Variants in CIB3 observed in about 807,000 individuals in gnomAD.
The protein encoded by CIB3 is calcium and integrin-binding family member 3.
CIB3 carries 22 observed loss-of-function variants against 23.4 expected under a neutral mutation model. The ratio of observed to expected loss-of-function variants is 0.94; its 90% CI spans 0.67 to 1.34. The LOEUF (loss-of-function observed/expected upper bound fraction) is 1.34. Ranked by LOEUF, CIB3 falls within the 40% of genes most tolerant of loss-of-function variation. The pLI, the probability that CIB3 is intolerant of heterozygous loss-of-function variation, is 0.00. For missense variants in CIB3, 258 were observed against 247.3 expected (o/e 1.04, Z -0.29); for synonymous variants, 93 against 95.8 (o/e 0.97, Z 0.17).
intron 4 of CIB3, among the ~76,000 whole-genome samples, chr19:16,166,947 G>C (rs1032658797): frequency 5.9e-5 from 9 of 152,206 alleles, no homozygotes; most frequent in African/African-American, 9.6e-5. Context: ...TGGGCGTGGT[G>C]GTTCATGCCT....
rs965479118 is a variant in CIB3, at chr19:16,162,220, A to G, written c.543-734T>C. Among the ~76,000 whole-genome samples, 3 of 149,304 alleles carry G rather than the reference A, an allele frequency of 2.0e-5. No individual in the cohort carries two copies. In the Admixed American group the frequency reaches 2.0e-4, roughly 10 times the overall value. On this transcript the variant is annotated intron_variant, in intron 5 of 5. Coordinates refer to ENST00000269878, the MANE Select transcript of CIB3 (RefSeq NM_054113.4). ...CCAGGAGTTTGAGAACAGCCTGGGC[A>G]ACAAGGCAAGACCTTGTCTCCACAA...
rs767788030 is a variant in CIB3 at position 16,168,154 on chromosome 19, T to C, written c.329A>G (p.Tyr110Cys). Reference sequence around the variant, plus strand: ...GCACGCACCATAAATTTTAAAAGCATAGTAAGCCTTGAGGTCGCGGGGAGC... The same window carrying C: ...GCACGCACCATAAATTTTAAAAGCACAGTAAGCCTTGAGGTCGCGGGGAGC... Reference protein sequence around the residue: ...EMAPRDLKAYYAFKIYDFNND... With the variant: ...EMAPRDLKAYCAFKIYDFNND... The change falls in exon 4 of 6, where the codon TAT becomes TGT. Residue 110 changes from tyrosine to cysteine, a missense_variant. Transcript: ENST00000269878. 3.9e-6 allele frequency: 6 copies of C among 1,521,476 alleles called. No individual in the cohort carries two copies. Among genetic ancestry groups the C allele is most frequent in the Admixed American group, 1.8e-5 (1 of 56,450 alleles). The allele number at this position is 1,521,476 out of a possible 1,614,324, so 94.2% of individuals were successfully genotyped here.
rs768408170 is a variant in CIB3 at position 16,161,449 on chromosome 19, C to G, written c.*16G>C. ...GTCACCCCGCCCTCCTATAGCTCGG[C>G]TCCTCTGTGGTGCCATCAGATTCGG... On this transcript the variant is annotated 3_prime_UTR_variant, in exon 6 of 6. Transcript: ENST00000269878. The G allele has an allele frequency of 2.5e-6, 4 of 1,613,940 alleles. No individual in the cohort carries two copies. Among genetic ancestry groups the G allele is most frequent in the African/African-American group, 2.7e-5 (2 of 74,940 alleles).
At chr19:16,173,009 G>C (rs911963956) in intron 2 of CIB3, among the ~76,000 whole-genome samples, 153 bp downstream of exon 2, 2 of 146,506 alleles carry the variant, frequency 1.4e-5, no homozygotes, top group African/African-American at 5.2e-5. Flanking sequence ...GAGAGAGAGA[G>C]AGAAAAGAGA....
Position 16,169,618 on chromosome 19 carries a change from G to C in CIB3, c.198+12C>G. On this transcript the variant is annotated intron_variant, in intron 3 of 5. Coordinates refer to ENST00000269878, the MANE Select transcript of CIB3 (RefSeq NM_054113.4). ...TATTTTTTACCCTGTTTGTCCCATG[G>C]CCTGGGCATACCTTCAGCTCGGGCA... The C allele has an allele frequency of 6.2e-7, 1 of 1,609,640 alleles. No individual in the cohort carries two copies. The highest frequency in any genetic ancestry group is 8.5e-7 in the Non-Finnish European group (1 of 1,177,200).
At position 16,164,861 on chromosome 19, in the gene CIB3, G is replaced by C; in HGVS notation, c.399C>G (p.Thr133=). ...CACTCAGCCCCCCCCGCGTCAGTTT[G>C]GTCACCGTCTGCTCCAGGTCCCACG... ...ICAWDLEQTV[T]KLTRGGLSAE... is the part of the protein sequence containing the mutation. Residue 133 remains threonine, a synonymous_variant, in exon 5 of 6, where the codon ACC becomes ACG. Coordinates refer to ENST00000269878, the MANE Select transcript of CIB3 (RefSeq NM_054113.4). The C allele has an allele frequency of 1.2e-6, 2 of 1,614,056 alleles. No individual in the cohort carries two copies. Among genetic ancestry groups the C allele is most frequent in the Non-Finnish European group, 1.7e-6 (2 of 1,180,012 alleles).
chr19:16,172,447 G>A (rs1428789205), intron 2 of CIB3, among the ~76,000 whole-genome samples: 2 of 151,850 alleles, frequency 1.3e-5, no homozygotes, highest in Non-Finnish European at 1.5e-5. Context: ...GAGCCACCGC[G>A]CCCAGCCTCA....
At chr19:16,167,198 G>C (rs892769966) in intron 4 of CIB3, among the ~76,000 whole-genome samples, 1 of 151,922 alleles carries the variant, frequency 6.6e-6, no homozygotes, top group African/African-American at 2.4e-5. Flanking sequence ...TCCAGTCTGG[G>C]GGACAGAGCA....
At position 16,173,426 on chromosome 19, in the gene CIB3, T is replaced by C; in HGVS notation, c.50A>G (p.Gln17Arg). 2 of 1,613,744 alleles carry C rather than the reference T, an allele frequency of 1.2e-6. No individual in the cohort carries two copies. Among genetic ancestry groups the C allele is most frequent in the Non-Finnish European group, 1.7e-6 (2 of 1,179,660 alleles). ...AGGACCCATCCTGCCCCCCTCTACC[T>C]GATACGCTTCCAGCTGCTCGTGTGT... ...VFTHEQLEAYQDCTFFTRKEI... is the reference protein window; with the variant it reads ...VFTHEQLEAYRDCTFFTRKEI... Residue 17 changes from glutamine (Q) to arginine (R), a missense_variant and splice_region_variant, in exon 1 of 6, where the codon CAG (glutamine) becomes CGG (arginine). Transcript: ENST00000269878.
chr19:16,162,445 C>T (rs1284184234), intron 5 of CIB3, among the ~76,000 whole-genome samples: 1 of 150,126 alleles, frequency 6.7e-6, no homozygotes, highest in East Asian at 2.0e-4. Flanking sequence ...AGCACTGCCT[C>T]AGCTTATAGA....
chr19:16,161,457 T>C lies in CIB3; in HGVS notation c.*8A>G, dbSNP rs112566346. ...GCCCTCCTATAGCTCGGCTCCTCTG[T>C]GGTGCCATCAGATTCGGATGTGGAA... On this transcript the variant is annotated 3_prime_UTR_variant, in exon 6 of 6. Coordinates refer to ENST00000269878, the MANE Select transcript of CIB3 (RefSeq NM_054113.4). 15 of 1,613,892 alleles carry C rather than the reference T, an allele frequency of 9.3e-6. No individual in the cohort carries two copies. In the East Asian group the frequency reaches 1.6e-4, roughly 17 times the overall value.
intron 5 of CIB3, among the ~76,000 whole-genome samples, chr19:16,163,217 A>C (rs1283494103): frequency 6.6e-6 from 1 of 152,086 alleles, no homozygotes; most frequent in Non-Finnish European, 1.5e-5. Context: ...AGCCGATTGC[A>C]CCATGCACTG....
intron 4 of CIB3, among the ~76,000 whole-genome samples, chr19:16,167,642 G>A (rs939413354): frequency 2.6e-5 from 4 of 152,078 alleles, no homozygotes; most frequent in Non-Finnish European, 4.4e-5. Context: ...GACAAGCCTG[G>A]CCAACATGGT....
At chr19:16,166,865 A>C (rs2091307784) in intron 4 of CIB3, among the ~76,000 whole-genome samples, 1 of 152,138 alleles carries the variant, frequency 6.6e-6, no homozygotes, top group African/African-American at 2.4e-5. Context: ...GGATCACTTG[A>C]GGTTAGGAGT....
chr19:16,162,767 T>C (rs2055207125), intron 5 of CIB3, among the ~76,000 whole-genome samples: 1 of 151,202 alleles, frequency 6.6e-6, no homozygotes, highest in African/African-American at 2.4e-5. Flanking sequence ...AAAAATAAAA[T>C]AAAATAAATT....
chr19:16,164,607 G>A lies in CIB3; in HGVS notation c.542+111C>T. The A allele has an allele frequency of 2.9e-6, 3 of 1,049,428 alleles. No individual in the cohort carries two copies. The South Asian group carries it at 4.7e-5, about 16-fold the overall frequency. 65.0% of individuals were successfully genotyped at this position (1,049,428 alleles called of 1,614,324 possible). A position where few individuals can be genotyped will look rare whatever the true frequency, so the allele number is the denominator to read the frequency against. On this transcript the variant is annotated intron_variant, in intron 5 of 5. Transcript: ENST00000269878. ...TAGGGAAATTGAGAAAGTTTCCCAA[G>A]GTCATGAAAGAATGAATAGAGGAAT...
Position 16,168,190 on chromosome 19 carries a change from A to G in CIB3, c.293T>C (p.Met98Thr), listed in dbSNP as rs769442324. 2 of 1,612,994 alleles carry G rather than the reference A, an allele frequency of 1.2e-6. No homozygotes were observed. Among genetic ancestry groups the G allele is most frequent in the Middle Eastern group, 1.6e-4 (1 of 6,062 alleles). Residue 98 changes from methionine (M) to threonine (T), a missense_variant, in exon 4 of 6, where the codon ATG (methionine) becomes ACG (threonine). Met to Thr is a moderately conservative substitution (Grantham distance 81, BLOSUM62 -1). Coordinates refer to ENST00000269878, the MANE Select transcript of CIB3 (RefSeq NM_054113.4). Reference protein sequence around the residue: ...LDNFLDMFSVMSEMAPRDLKA... With the variant: ...LDNFLDMFSVTSEMAPRDLKA... ...GAGGTCGCGGGGAGCCATTTCACTC[A>G]TCACGGAAAACATGTCCAAAAAGTT...
In CIB3 at chr19:16,173,419, C is replaced by T; in HGVS notation, c.51+6G>A. ...CCCACTGAGGACCCATCCTGCCCCC[C>T]TCTACCTGATACGCTTCCAGCTGCT... is the stretch of plus-strand genomic sequence containing the variant. On this transcript the variant is annotated splice_donor_region_variant and intron_variant, in intron 1 of 5. Coordinates refer to ENST00000269878, the MANE Select transcript of CIB3 (RefSeq NM_054113.4). 1 of 1,613,620 alleles carries T rather than the reference C, an allele frequency of 6.2e-7. No homozygotes were observed. Among genetic ancestry groups the T allele is most frequent in the Non-Finnish European group, 8.5e-7 (1 of 1,179,534 alleles).
At chr19:16,168,099 C>CA in intron 4 of CIB3, 38 bp downstream of exon 4, 6 of 1,573,568 alleles carry the variant, frequency 3.8e-6, no homozygotes, top group Non-Finnish European at 5.2e-6. Flanking sequence ...CTCCCCACCC[C>CA]ATCCCCATGC....
Sources: gnomAD v4.1 joint callset for allele counts (sites outside exome capture counted in the v4.1 genomes callset) on GRCh38, gnomAD v4.1.1 for gene constraint, MANE v1.5 for transcripts, NCBI Gene and HGNC (gene_info 2026-07-23, HGNC 2026-07-21) for gene names.